RBFOX1: variants seen among roughly 807,000 people sequenced by gnomAD.
RBFOX1 encodes the protein RNA binding protein fox-1 homolog 1.
Under a neutral mutation model 57.7 loss-of-function variants are expected in RBFOX1, and 8 were observed. The ratio of observed to expected loss-of-function variants is 0.14; its 90% confidence interval spans 0.08 to 0.25. The LOEUF (loss-of-function observed/expected upper bound fraction) is 0.25. Among genes scored for constraint, RBFOX1 ranks in the 10% least tolerant of loss-of-function variants. The pLI, the probability that RBFOX1 is intolerant of heterozygous loss-of-function variation, is 1.00. For synonymous variants in RBFOX1, 326 were observed against 222.4 expected, an observed-to-expected ratio of 1.47 and a Z score of -4.15; for missense variants, 611 against 548.5, an observed-to-expected ratio of 1.11 and a Z score of -1.14.
intron 3 of RBFOX1, among the ~76,000 whole-genome samples, chr16:5,648,621 C>T (rs2049125950): frequency 6.6e-6 from 1 of 152,032 alleles, no homozygotes; most frequent in Non-Finnish European, 1.5e-5. Context: ...TGATCTTACC[C>T]AACACGTCAA....
At chr16:5,599,496 T>C in exon 3 of RBFOX1, 2 of 467,038 alleles carry the variant, frequency 4.3e-6, no homozygotes, top group South Asian at 3.6e-5. Context: ...GGAAGTTCCC[T>C]GCACAGATAC....
At chr16:6,039,861 C>T (rs888210108) in intron 1 of RBFOX1, among the ~76,000 whole-genome samples, 9 of 152,320 alleles carry the variant, frequency 5.9e-5, no homozygotes, top group African/African-American at 1.7e-4. Flanking sequence ...AAGGCTCAGC[C>T]GGGGCTGGAG....
intron 2 of RBFOX1, among the ~76,000 whole-genome samples, chr16:6,550,335 C>T (rs1428269204): frequency 2.0e-5 from 3 of 152,080 alleles, no homozygotes; most frequent in Non-Finnish European, 4.4e-5. Context: ...TGCCACCAGG[C>T]CCAGCTAATT....
chr16:5,352,084 G>A (rs1312750476), intron 1 of RBFOX1, among the ~76,000 whole-genome samples: 3 of 152,134 alleles, frequency 2.0e-5, no homozygotes, highest in Non-Finnish European at 4.4e-5. Context: ...GGGATTACAG[G>A]GGTGAGCCAC....
intron 4 of RBFOX1, among the ~76,000 whole-genome samples, chr16:7,504,787 TTATATATATATATATTTA>T (rs1567555393): frequency 0.01 from 96 of 9,362 alleles, 20 homozygotes; most frequent in African/African-American, 0.034. Context: ...ATATATATAT[TTATATATATATATATTTA>T]TATATATATA....
At chr16:5,758,359 G>T (rs961685971) in intron 3 of RBFOX1, among the ~76,000 whole-genome samples, 1 of 152,148 alleles carries the variant, frequency 6.6e-6, no homozygotes, top group African/African-American at 2.4e-5. Flanking sequence ...ACGGAGACCT[G>T]GAGATGCTCT....
chr16:6,138,138 C>T (rs753692145), intron 1 of RBFOX1, among the ~76,000 whole-genome samples: 4 of 152,174 alleles, frequency 2.6e-5, no homozygotes, highest in African/African-American at 7.2e-5. Flanking sequence ...CTAGTTCTAT[C>T]GTTAATATTG....
At chr16:5,363,799 C>T (rs1278930412) in intron 1 of RBFOX1, among the ~76,000 whole-genome samples, 1 of 152,220 alleles carries the variant, frequency 6.6e-6, no homozygotes, top group Non-Finnish European at 1.5e-5. Context: ...AGAGAGATCT[C>T]TCTTGAGCTC....
chr16:7,570,231 T>G (rs2092634631), intron 5 of RBFOX1, among the ~76,000 whole-genome samples: 2 of 152,158 alleles, frequency 1.3e-5, no homozygotes, highest in Non-Finnish European at 2.9e-5. Flanking sequence ...ACATTTTATT[T>G]TACAAGACAG....
At chr16:5,977,168 A>G (rs954511954) in intron 4 of RBFOX1, among the ~76,000 whole-genome samples, 24 of 152,302 alleles carry the variant, frequency 1.6e-4, no homozygotes, top group African/African-American at 4.8e-4. Flanking sequence ...CTCTGTAGCT[A>G]TATTGTGTGG....
chr16:6,277,115 G>A (rs1333819328), intron 1 of RBFOX1, among the ~76,000 whole-genome samples: 1 of 152,028 alleles, frequency 6.6e-6, no homozygotes, highest in African/African-American at 2.4e-5. Context: ...AATTGCCGGA[G>A]GTTCAGAAAA....
intron 3 of RBFOX1, among the ~76,000 whole-genome samples, chr16:5,747,748 T>A (rs1185295252): frequency 6.6e-6 from 1 of 152,204 alleles, no homozygotes; most frequent in Non-Finnish European, 1.5e-5. Flanking sequence ...TTATTGTGTC[T>A]ATTTGATTCT....
rs79811063 is a variant in RBFOX1, at chr16:7,438,911, T to C, written c.28-79236T>C. On this transcript the variant is annotated intron_variant, in intron 4 of 15. Coordinates refer to ENST00000550418, the MANE Select transcript of RBFOX1 (RefSeq NM_018723.4). ...CTGCATGAATCCCCCCCTTCAGCTC[T>C]TGATGTGTCCCTGGGAATAAAAAGA... Among the ~76,000 whole-genome samples, 33 of 152,304 alleles carry C rather than the reference T, an allele frequency of 2.2e-4. No homozygotes were observed. The East Asian group carries it at 5.4e-3, about 25-fold the overall frequency.
chr16:7,058,930 A>G (rs1424737352), intron 4 of RBFOX1, among the ~76,000 whole-genome samples: 1 of 152,200 alleles, frequency 6.6e-6, no homozygotes, highest in East Asian at 1.9e-4. Context: ...TGGAATGCAA[A>G]TGACTGAGTT....
intron 3 of RBFOX1, among the ~76,000 whole-genome samples, chr16:5,704,297 C>G (rs1345341155): frequency 6.6e-6 from 1 of 152,126 alleles, no homozygotes; most frequent in Non-Finnish European, 1.5e-5. Flanking sequence ...TGGAGGAACT[C>G]TGGAGCCTAA....
At chr16:5,922,670 C>T (rs1326057136) in intron 4 of RBFOX1, among the ~76,000 whole-genome samples, 1 of 152,234 alleles carries the variant, frequency 6.6e-6, no homozygotes, top group Non-Finnish European at 1.5e-5. Flanking sequence ...CACCCACCCT[C>T]ATATAATTTA....
intron 1 of RBFOX1, among the ~76,000 whole-genome samples, chr16:5,266,296 T>A (rs2062855372): frequency 6.6e-6 from 1 of 152,100 alleles, no homozygotes; most frequent in Admixed American, 6.5e-5. Context: ...CTGGACTCAC[T>A]GGATGCAGTA....
At chr16:6,689,365 T>C (rs540038141) in intron 3 of RBFOX1, among the ~76,000 whole-genome samples, 3 of 152,288 alleles carry the variant, frequency 2.0e-5, no homozygotes, top group African/African-American at 7.2e-5. Context: ...TCCACATATA[T>C]TATATATGAA....
chr16:6,642,812 C>A (rs1389959708), intron 2 of RBFOX1, among the ~76,000 whole-genome samples: 2 of 152,062 alleles, frequency 1.3e-5, no homozygotes, highest in African/African-American at 2.4e-5. Context: ...CCTTAGGCCC[C>A]CTGAAGATTC....
Sources: allele counts gnomAD v4.1 joint callset (sites outside exome capture counted in the v4.1 genomes callset), GRCh38; gene constraint gnomAD v4.1.1; transcripts MANE v1.5; gene names NCBI Gene and HGNC (gene_info 2026-07-23, HGNC 2026-07-21).